Variants in CHD6 observed in about 807,000 individuals in gnomAD.
CHD6 encodes the protein ATP-dependent chromatin remodeler CHD6.
In CHD6, 50 loss-of-function variants were observed where a neutral mutation model predicts 276.9. The observed-to-expected ratio is 0.18, with a 90% CI of 0.14 to 0.23. The LOEUF (loss-of-function observed/expected upper bound fraction) is 0.23. Ranked by LOEUF, CHD6 falls within the 10% of genes least tolerant of loss-of-function variation. CHD6 has a pLI of 1.00. For missense variants in CHD6, 2,564 were observed against 3,365.8 expected (o/e 0.76, Z 5.89); for synonymous variants, 1,173 against 1,229.3 (o/e 0.95, Z 0.96).
chr20:41,563,972 C>T (rs2045328615), intron 1 of CHD6: 1 of 753,194 alleles, frequency 1.3e-6, no homozygotes, highest in Non-Finnish European at 2.4e-6. Context: ...ACTTTTCACT[C>T]ATTACATTTT....
chr20:41,432,203 C>G (rs1000376258), intron 27 of CHD6, among the ~76,000 whole-genome samples: 5 of 150,094 alleles, frequency 3.3e-5, no homozygotes, highest in African/African-American at 1.2e-4. Context: ...TTCCTGCTCT[C>G]TCTAGTTAAG....
rs2046905186 is a variant in CHD6, at chr20:41,413,500, G to C, written c.6955C>G (p.Pro2319Ala). 2 of 1,573,732 alleles carry C rather than the reference G, an allele frequency of 1.3e-6. No homozygotes were observed. The highest frequency in any genetic ancestry group is 2.3e-5 in the South Asian group (2 of 85,894). ...GTGGTGCTCAAGGTGGCCTGCCCTG[G>C]GTCTTCATGGACTTCCTGGATGAAG... ...QAGILEVHED[P>A]GQATLSTTHP... The change falls in exon 35 of 37, where the codon CCA becomes GCA. Residue 2319 changes from proline (P) to alanine (A), a missense_variant. Physicochemically the swap from Pro to Ala is conservative, Grantham distance 27. Around this residue, in one of 7 missense-constraint regions of CHD6, gnomAD observed 1,024 missense variants for 1,047.9 expected, o/e 0.98. Transcript: ENST00000373233.
At chr20:41,437,438 G>T in intron 26 of CHD6, 104 bp from the exon 27 acceptor site, 1 of 697,270 alleles carries the variant, frequency 1.4e-6, no homozygotes, top group South Asian at 1.9e-5. Flanking sequence ...AGATATTTTG[G>T]GGGAGAGACA....
chr20:41,423,462 C>T, intron 30 of CHD6, 30 bp downstream of exon 30: 1 of 1,590,734 alleles, frequency 6.3e-7, no homozygotes, highest in Non-Finnish European at 8.6e-7. Context: ...TTCCTTGTAT[C>T]ATCTGACAAT....
At chr20:41,617,926 G>C (rs2045950361) in intron 1 of CHD6, among the ~76,000 whole-genome samples, 1 of 147,286 alleles carries the variant, frequency 6.8e-6, no homozygotes, top group Non-Finnish European at 1.5e-5. Flanking sequence ...GCTGGGCCCG[G>C]GGGTCCCACC....
At chr20:41,480,145 A>T (rs920332483) in intron 16 of CHD6, among the ~76,000 whole-genome samples, 11 of 152,210 alleles carry the variant, frequency 7.2e-5, no homozygotes, top group Admixed American at 1.3e-4. Context: ...GTGCTCCAAC[A>T]TGGAATCCAC....
At chr20:41,500,327 CTT>C (rs2043800967) in intron 5 of CHD6, among the ~76,000 whole-genome samples, 1 of 152,096 alleles carries the variant, frequency 6.6e-6, no homozygotes, top group Non-Finnish European at 1.5e-5. Flanking sequence ...GAAAATATCT[CTT>C]AAGATCTTAA....
In CHD6 at chr20:41,454,752, G is replaced by A; in HGVS notation, c.3010-16C>T. The A allele has an allele frequency of 6.3e-7, 1 of 1,575,906 alleles. No individual in the cohort carries two copies. The highest frequency in any genetic ancestry group is 2.2e-5 in the East Asian group (1 of 44,604). ...CAAAGCTAGCCTGTGAAGAAGACAA[G>A]AATTAATAAACTGTGCTTGAACACA... On this transcript the variant is annotated splice_polypyrimidine_tract_variant and intron_variant, in intron 19 of 36. Transcript: ENST00000373233.
At chr20:41,598,576 G>C (rs2045742686) in intron 1 of CHD6, among the ~76,000 whole-genome samples, 1 of 152,128 alleles carries the variant, frequency 6.6e-6, no homozygotes, top group South Asian at 2.1e-4. Flanking sequence ...AAACCCCACA[G>C]CCTGGGGCAA....
rs185508981 is a variant in CHD6, at chr20:41,407,945, T to G, written c.7252-2456A>C. On this transcript the variant is annotated intron_variant, in intron 36 of 36. Coordinates refer to ENST00000373233, the MANE Select transcript of CHD6 (RefSeq NM_032221.5). Reference sequence around the variant, plus strand: ...GAGTCAGTACTATCATCATGCCTGCTTTACAGAGAATTTACAGATTCATAG... The same window carrying G: ...GAGTCAGTACTATCATCATGCCTGCGTTACAGAGAATTTACAGATTCATAG... Among the ~76,000 whole-genome samples, 579 of 152,304 alleles carry G rather than the reference T, an allele frequency of 3.8e-3. 3 individuals carry two copies. Among genetic ancestry groups the G allele is most frequent in the Middle Eastern group, 0.017 (5 of 294 alleles).
chr20:41,506,311 A>G (rs2043974730), intron 5 of CHD6, among the ~76,000 whole-genome samples: 1 of 152,136 alleles, frequency 6.6e-6, no homozygotes, highest in African/African-American at 2.4e-5. Context: ...CAATGTCTAC[A>G]AATCCTACAG....
In CHD6 at chr20:41,544,205, A is replaced by G. The variant is rs144502016; in HGVS notation, c.33+7100T>C. ...CAGTGAGCTGAGATTTTGCCACTAC[A>G]CTCCAGCCTGGGCAACAAAGCAAAA... On this transcript the variant is annotated intron_variant, in intron 2 of 36. Transcript: ENST00000373233. 5.6e-3 allele frequency among the ~76,000 whole-genome samples: 845 copies of G among 152,068 alleles called. 8 individuals carry two copies. The highest frequency in any genetic ancestry group is 0.024 in the Middle Eastern group (7 of 294).
In CHD6 at chr20:41,497,982, T is replaced by C; in HGVS notation, c.974+186A>G. 3.5e-6 allele frequency: 2 copies of C among 565,570 alleles called. 1 individual carries two copies. The highest frequency in any genetic ancestry group is 6.2e-5 in the East Asian group (2 of 32,264). 35.0% of individuals were successfully genotyped at this position (565,570 alleles called of 1,614,324 possible). A position where few individuals can be genotyped will look rare whatever the true frequency, so the allele number is the denominator to read the frequency against. The stretch of plus-strand genomic sequence containing the variant: ...AGGCTTTAGAGGTTTAAAAAAGCTC[T>C]CCAGGTAATTCTGTGTGCAGCTATA... On this transcript the variant is annotated intron_variant, in intron 7 of 36. Coordinates refer to ENST00000373233, the MANE Select transcript of CHD6 (RefSeq NM_032221.5).
chr20:41,414,865 A>C lies in CHD6; in HGVS notation c.6939+321T>G, dbSNP rs2046946182. 3 of 1,212,982 alleles carry C rather than the reference A, an allele frequency of 2.5e-6. No homozygotes were observed. The East Asian group carries it at 1.1e-4, about 46-fold the overall frequency. The allele number at this position is 1,212,982 out of a possible 1,614,324, so 75.1% of individuals were successfully genotyped here. A position where few individuals can be genotyped will look rare whatever the true frequency, so the allele number is the denominator to read the frequency against. On this transcript the variant is annotated intron_variant, in intron 34 of 36. Transcript: ENST00000373233. ...CACTACCCCGGAGAAAAGCCGCTGC[A>C]CACTCAACCCTGCCATCTTGCTCTG...
At chr20:41,511,659 C>A (rs1156902422) in intron 5 of CHD6, among the ~76,000 whole-genome samples, 1 of 152,168 alleles carries the variant, frequency 6.6e-6, no homozygotes, top group Non-Finnish European at 1.5e-5. Flanking sequence ...ATCTCTCAGT[C>A]CTCCTCTCTC....
chr20:41,521,981 G>T (rs922801569), intron 3 of CHD6, among the ~76,000 whole-genome samples: 1 of 152,172 alleles, frequency 6.6e-6, no homozygotes, highest in Non-Finnish European at 1.5e-5. Flanking sequence ...AATGAATAAG[G>T]GATAAGGGGG....
rs932079481 is a variant in CHD6 at position 41,457,197 on chromosome 20, A to G, written c.2829+67T>C. 9 of 1,549,730 alleles carry G rather than the reference A, an allele frequency of 5.8e-6. No individual in the cohort carries two copies. In the African/African-American group the frequency reaches 6.8e-5, roughly 12 times the overall value. ...AGTGAACCCTTAAACAGCTGTAAGAAGAGAAGCCTGTCTGGGCTGTGCGAC... is the reference window on the plus strand; with the variant it reads ...AGTGAACCCTTAAACAGCTGTAAGAGGAGAAGCCTGTCTGGGCTGTGCGAC... On this transcript the variant is annotated intron_variant, in intron 18 of 36. Transcript: ENST00000373233.
At chr20:41,514,720 G>T in intron 4 of CHD6, 85 bp downstream of exon 4, 3 of 1,461,132 alleles carry the variant, frequency 2.1e-6, no homozygotes, top group Non-Finnish European at 2.8e-6. Flanking sequence ...GCTAGAGAAA[G>T]GCATAGAGGA....
chr20:41,461,069 G>T (rs927958627), intron 17 of CHD6, among the ~76,000 whole-genome samples: 1 of 152,234 alleles, frequency 6.6e-6, no homozygotes, highest in Admixed American at 6.5e-5. Context: ...TGCTCCGGTG[G>T]ATTTTGGACT....
Sources: allele counts gnomAD v4.1 joint callset (sites outside exome capture counted in the v4.1 genomes callset), GRCh38; gene constraint gnomAD v4.1.1; regional missense constraint gnomAD v4.1.1; transcripts MANE v1.5; gene names NCBI Gene and HGNC (gene_info 2026-07-23, HGNC 2026-07-21).